EPHA6: variants seen among roughly 807,000 people sequenced by gnomAD.
EPHA6 encodes the protein ephrin type-A receptor 6.
A neutral mutation model predicts 112.0 loss-of-function variants in EPHA6; 50 were observed. That is an observed-to-expected ratio of 0.45 (90% CI 0.36 to 0.56). The LOEUF (loss-of-function observed/expected upper bound fraction) is 0.56, where lower values mean the gene tolerates loss of function less well. EPHA6 is among the 20% of genes least tolerant of loss of function. The pLI is 0.00. For missense variants in EPHA6, 1,280 were observed against 1,417.4 expected (o/e 0.90, Z 1.56); for synonymous variants, 529 against 490.7 (o/e 1.08, Z -1.03).
chr3:96,906,053 G>A (rs1325876783), intron 2 of EPHA6, among the ~76,000 whole-genome samples: 13 of 152,086 alleles, frequency 8.5e-5, no homozygotes, highest in Admixed American at 6.6e-4. Flanking sequence ...AATATGCTAA[G>A]TCTGCTGAGT....
At chr3:97,254,793 C>T (rs1252390454) in intron 5 of EPHA6, among the ~76,000 whole-genome samples, 3 of 152,112 alleles carry the variant, frequency 2.0e-5, no homozygotes, top group South Asian at 2.1e-4. Context: ...AGATGGTCTT[C>T]CTGAAATATC....
chr3:97,106,858 C>T (rs2047585563), intron 3 of EPHA6, among the ~76,000 whole-genome samples: 1 of 152,074 alleles, frequency 6.6e-6, no homozygotes, highest in Non-Finnish European at 1.5e-5. Flanking sequence ...CATCACATGC[C>T]TTGCAAGGAG....
At position 97,489,739 on chromosome 3, in the gene EPHA6, T is replaced by C. The variant is rs566596628; in HGVS notation, c.2200+5680T>C. Among the ~76,000 whole-genome samples, 4 of 151,802 alleles carry C rather than the reference T, an allele frequency of 2.6e-5. No individual in the cohort carries two copies. The South Asian group carries it at 6.3e-4, about 24-fold the overall frequency. ...TTATTTTTTTATATTTAGGAGGTTA[T>C]ATTTGTCAGGGAATGTTTATTTTTT... On this transcript the variant is annotated intron_variant, in intron 10 of 17. Transcript: ENST00000389672.
At chr3:97,129,374 T>C (rs1262476034) in intron 3 of EPHA6, among the ~76,000 whole-genome samples, 4 of 151,372 alleles carry the variant, frequency 2.6e-5, no homozygotes, top group Non-Finnish European at 5.9e-5. Flanking sequence ...TGGTGGAGGG[T>C]GCCTGTAGTC....
chr3:96,965,313 T>A (rs2042085301), intron 2 of EPHA6, among the ~76,000 whole-genome samples: 1 of 152,154 alleles, frequency 6.6e-6, no homozygotes, highest in African/African-American at 2.4e-5. Flanking sequence ...GTATAAGGCT[T>A]CTTACTTACC....
chr3:97,229,227 C>A (rs1203526068), intron 4 of EPHA6, among the ~76,000 whole-genome samples: 1 of 151,990 alleles, frequency 6.6e-6, no homozygotes, highest in Non-Finnish European at 1.5e-5. Context: ...TTAATTAGGT[C>A]TTATCTATTT....
intron 3 of EPHA6, among the ~76,000 whole-genome samples, chr3:97,067,214 T>C (rs998570167): frequency 7.9e-5 from 12 of 152,146 alleles, no homozygotes; most frequent in African/African-American, 2.7e-4. Context: ...AATTGCATAC[T>C]TTACATCATA....
chr3:97,519,782 T>C (rs375901036), intron 10 of EPHA6, among the ~76,000 whole-genome samples: 26 of 152,124 alleles, frequency 1.7e-4, no homozygotes, highest in African/African-American at 6.3e-4. Flanking sequence ...TTTCAGGTAG[T>C]TTATTATTGG....
chr3:97,703,028 A>G (rs1455657079), intron 14 of EPHA6, among the ~76,000 whole-genome samples: 4 of 152,174 alleles, frequency 2.6e-5, no homozygotes. Flanking sequence ...AGATCATTTT[A>G]GGGCTCATGA....
chr3:97,265,947 T>C (rs2079667117), intron 5 of EPHA6, among the ~76,000 whole-genome samples: 1 of 152,258 alleles, frequency 6.6e-6, no homozygotes, highest in Non-Finnish European at 1.5e-5. Flanking sequence ...TCCCATGGAC[T>C]GTAGTTTACC....
intron 3 of EPHA6, among the ~76,000 whole-genome samples, chr3:97,097,971 A>T (rs2047292720): frequency 6.6e-6 from 1 of 151,920 alleles, no homozygotes; most frequent in Non-Finnish European, 1.5e-5. Context: ...AAAATCGTAG[A>T]GAATGAATCT....
intron 1 of EPHA6, among the ~76,000 whole-genome samples, chr3:96,850,187 T>C (rs1279471365): frequency 6.6e-6 from 1 of 152,084 alleles, no homozygotes; most frequent in East Asian, 1.9e-4. Context: ...GCTACTTTAG[T>C]GCAGGGGACA....
chr3:97,343,074 G>A (rs1461602638), intron 5 of EPHA6, among the ~76,000 whole-genome samples: 2 of 152,154 alleles, frequency 1.3e-5, no homozygotes, highest in Non-Finnish European at 2.9e-5. Context: ...AATTTTAAAA[G>A]CAATTCCGGT....
chr3:97,609,479 T>C (rs982687295), intron 12 of EPHA6, among the ~76,000 whole-genome samples: 2 of 151,470 alleles, frequency 1.3e-5, no homozygotes, highest in African/African-American at 4.8e-5. Flanking sequence ...TTTATTCATA[T>C]TTGGGTAAAA....
chr3:97,346,422 A>T (rs993770235), intron 5 of EPHA6, among the ~76,000 whole-genome samples: 2 of 152,170 alleles, frequency 1.3e-5, no homozygotes, highest in African/African-American at 4.8e-5. Context: ...AGATATAATA[A>T]GTGTCTTCAA....
At chr3:96,967,828 G>A (rs543266879) in intron 2 of EPHA6, among the ~76,000 whole-genome samples, 63 of 151,896 alleles carry the variant, frequency 4.1e-4, no homozygotes, top group Non-Finnish European at 7.1e-4. Context: ...GTTCTTGAAG[G>A]AACTTTGGAA....
chr3:96,969,077 T>C (rs1419756441), intron 2 of EPHA6, among the ~76,000 whole-genome samples: 1 of 151,848 alleles, frequency 6.6e-6, no homozygotes, highest in Non-Finnish European at 1.5e-5. Flanking sequence ...GGTTCAGCAG[T>C]TTAAAACAAC....
intron 1 of EPHA6, among the ~76,000 whole-genome samples, chr3:96,865,902 A>C (rs1375512917): frequency 2.0e-5 from 3 of 150,650 alleles, no homozygotes; most frequent in African/African-American, 7.3e-5. Flanking sequence ...CGCTACAAAA[A>C]CCCTCCTTAG....
rs186663851 is a variant in EPHA6, at chr3:96,840,853, A to C, written c.385+25845A>C. On this transcript the variant is annotated intron_variant, in intron 1 of 17. Transcript: ENST00000389672. ...GTGGCAATGGAGTTGACAAAACTGA[A>C]TTTAAAAAAATCTATTCATTTTTGT... is the stretch of plus-strand genomic sequence containing the variant. Among the ~76,000 whole-genome samples, 3 of 151,922 alleles carry C rather than the reference A, an allele frequency of 2.0e-5. No individual in the cohort carries two copies. The East Asian group carries it at 5.8e-4, about 29-fold the overall frequency.
Sources: gnomAD v4.1 joint callset for allele counts (sites outside exome capture counted in the v4.1 genomes callset) on GRCh38, gnomAD v4.1.1 for gene constraint, MANE v1.5 for transcripts, NCBI Gene and HGNC (gene_info 2026-07-23, HGNC 2026-07-21) for gene names.